Variants in CDH12 observed in about 807,000 individuals in gnomAD.
CDH12 encodes the protein cadherin 12.
CDH12 carries 41 observed loss-of-function variants against 74.1 expected under a neutral mutation model. That is an observed-to-expected ratio of 0.55 (90% CI 0.43 to 0.72). The LOEUF is 0.72. Among genes scored for constraint, CDH12 ranks in the 30% least tolerant of loss-of-function variants. The pLI is 0.00. For synonymous variants in CDH12, 399 were observed against 355.0 expected, an observed-to-expected ratio of 1.12 and a Z score of -1.39; for missense variants, 945 against 977.2, an observed-to-expected ratio of 0.97 and a Z score of 0.44.
At chr5:22,560,724 G>T (rs796503222) in intron 1 of CDH12, among the ~76,000 whole-genome samples, 57 of 151,990 alleles carry the variant, frequency 3.8e-4, no homozygotes, top group African/African-American at 1.3e-3. Flanking sequence ...GTCAAGTTTT[G>T]GACTAACCAC....
chr5:22,733,728 G>T (rs917432360), intron 1 of CDH12, among the ~76,000 whole-genome samples: 1 of 151,906 alleles, frequency 6.6e-6, no homozygotes, highest in Non-Finnish European at 1.5e-5. Context: ...AGGTATTCTT[G>T]TTATTTATTA....
intron 3 of CDH12, among the ~76,000 whole-genome samples, chr5:22,376,954 T>C (rs1741556169): frequency 6.6e-6 from 1 of 152,094 alleles, no homozygotes; most frequent in Admixed American, 6.6e-5. Context: ...AAATTCAAAT[T>C]TGATTTGGCT....
At chr5:22,435,135 C>T (rs1744325570) in intron 2 of CDH12, among the ~76,000 whole-genome samples, 1 of 152,098 alleles carries the variant, frequency 6.6e-6, no homozygotes, top group African/African-American at 2.4e-5. Context: ...TAGACCTACC[C>T]TTAATCTGTG....
At chr5:21,848,283 G>T (rs1425189364) in intron 7 of CDH12, among the ~76,000 whole-genome samples, 3 of 152,012 alleles carry the variant, frequency 2.0e-5, no homozygotes, top group Non-Finnish European at 4.4e-5. Flanking sequence ...ATTGTTAATT[G>T]TTTTTAATAA....
intron 5 of CDH12, among the ~76,000 whole-genome samples, chr5:22,026,326 T>A (rs868095172): frequency 1.2e-4 from 18 of 152,184 alleles, no homozygotes; most frequent in South Asian, 2.1e-4. Context: ...CACCCTGCTT[T>A]AGGTACAGAT....
At chr5:22,018,537 C>T (rs1329790564) in intron 5 of CDH12, among the ~76,000 whole-genome samples, 1 of 152,130 alleles carries the variant, frequency 6.6e-6, no homozygotes, top group Non-Finnish European at 1.5e-5. Flanking sequence ...GGCAAATGCA[C>T]AAGAACATGC....
chr5:22,093,118 G>C (rs1743533644), intron 4 of CDH12, among the ~76,000 whole-genome samples: 1 of 152,160 alleles, frequency 6.6e-6, no homozygotes, highest in Non-Finnish European at 1.5e-5. Context: ...GCATGGTCAG[G>C]TGTCTCTGGG....
intron 3 of CDH12, among the ~76,000 whole-genome samples, chr5:22,232,892 T>C: frequency 6.7e-6 from 1 of 148,278 alleles, no homozygotes; most frequent in South Asian, 2.1e-4. Flanking sequence ...TTATTATATA[T>C]TTTCTATATA....
At chr5:22,516,700 T>C (rs995981682) in intron 1 of CDH12, among the ~76,000 whole-genome samples, 2 of 151,646 alleles carry the variant, frequency 1.3e-5, no homozygotes, top group African/African-American at 4.8e-5. Context: ...GAGACTGGAG[T>C]GGGAGGATGA....
chr5:21,928,472 A>T (rs1181548647), intron 6 of CDH12, among the ~76,000 whole-genome samples: 1 of 152,350 alleles, frequency 6.6e-6, no homozygotes, highest in African/African-American at 2.4e-5. Context: ...AACATTCAAC[A>T]TTCAAGATTT....
At chr5:22,321,557 G>A (rs1738883630) in intron 3 of CDH12, among the ~76,000 whole-genome samples, 1 of 146,792 alleles carries the variant, frequency 6.8e-6, no homozygotes, top group African/African-American at 2.5e-5. Context: ...TGACGAGTTA[G>A]TGGGTGCAGC....
At chr5:21,786,947 A>C (rs1442722784) in intron 10 of CDH12, among the ~76,000 whole-genome samples, 2 of 152,168 alleles carry the variant, frequency 1.3e-5, no homozygotes, top group Non-Finnish European at 2.9e-5. Context: ...TTAGAAGTAA[A>C]GCCCTAAGAT....
intron 6 of CDH12, among the ~76,000 whole-genome samples, chr5:21,899,426 C>A (rs547641988): frequency 6.6e-6 from 1 of 152,256 alleles, no homozygotes; most frequent in East Asian, 1.9e-4. Flanking sequence ...CATGTTAAAT[C>A]AAGACCCTAG....
intron 3 of CDH12, among the ~76,000 whole-genome samples, chr5:22,347,950 G>C (rs144044803): frequency 4.8e-4 from 73 of 152,284 alleles, no homozygotes; most frequent in African/African-American, 1.6e-3. Context: ...ATTAACAAGA[G>C]GCCATGGGGT....
intron 1 of CDH12, among the ~76,000 whole-genome samples, chr5:22,612,317 T>C (rs946106737): frequency 6.6e-6 from 1 of 152,142 alleles, no homozygotes; most frequent in African/African-American, 2.4e-5. Context: ...AACATGTGTA[T>C]ACATATCTGG....
intron 12 of CDH12, among the ~76,000 whole-genome samples, chr5:21,761,742 T>TATAGATAGATAG (rs5866522): frequency 0.032 from 4,692 of 147,404 alleles, 100 homozygotes; most frequent in South Asian, 0.036. Flanking sequence ...GATGGATAGA[T>TATAGATAGATAG]ATAGATAGAT....
chr5:21,942,829 A>G (rs1353173252), intron 6 of CDH12, among the ~76,000 whole-genome samples: 3 of 152,190 alleles, frequency 2.0e-5, no homozygotes, highest in Non-Finnish European at 4.4e-5. Flanking sequence ...TTAAATCTCC[A>G]GATAACTTTT....
intron 13 of CDH12, 76 bp from the exon 14 acceptor site, chr5:21,755,918 T>C (rs1351394466): frequency 2.9e-6 from 4 of 1,373,636 alleles, no homozygotes; most frequent in African/African-American, 2.9e-5. Context: ...ATCTGCTCAA[T>C]AGTAAGAAGC....
intron 4 of CDH12, among the ~76,000 whole-genome samples, chr5:22,082,459 T>C (rs887608840): frequency 2.6e-5 from 4 of 152,148 alleles, no homozygotes; most frequent in Non-Finnish European, 4.4e-5. Flanking sequence ...GTCTACCTCT[T>C]GAATCCACTG....
Sources: allele counts gnomAD v4.1 joint callset (sites outside exome capture counted in the v4.1 genomes callset), GRCh38; gene constraint gnomAD v4.1.1; transcripts MANE v1.5; gene names NCBI Gene and HGNC (gene_info 2026-07-23, HGNC 2026-07-21).